SEL1L2: variants seen among roughly 807,000 people sequenced by gnomAD.
SEL1L2 encodes protein sel-1 homolog 2.
Under a neutral mutation model 98.8 loss-of-function variants are expected in SEL1L2, and 89 were observed. That is an observed-to-expected ratio of 0.90 (90% confidence interval 0.76 to 1.07). The LOEUF (loss-of-function observed/expected upper bound fraction) is 1.07. Ranked by LOEUF, SEL1L2 falls within the 50% of genes least tolerant of loss-of-function variation. The probability of loss-of-function intolerance (pLI) is 0.00; values close to 1 mark genes in which losing one functional copy is unlikely to be tolerated. For synonymous variants in SEL1L2, 262 were observed against 278.5 expected, an observed-to-expected ratio of 0.94 and a Z score of 0.59; for missense variants, 788 against 812.0, an observed-to-expected ratio of 0.97 and a Z score of 0.36.
chr20:13,970,517 C>G (rs1354696537), intron 1 of SEL1L2, among the ~76,000 whole-genome samples: 2 of 152,162 alleles, frequency 1.3e-5, no homozygotes, highest in African/African-American at 4.8e-5. Flanking sequence ...TACTTCCACA[C>G]TTAGTATACG....
chr20:13,921,815 T>G (rs1375141637), intron 3 of SEL1L2, among the ~76,000 whole-genome samples: 1 of 152,186 alleles, frequency 6.6e-6, no homozygotes, highest in Non-Finnish European at 1.5e-5. Flanking sequence ...AGAAGCAGTA[T>G]GAGCACAGAC....
intron 2 of SEL1L2, among the ~76,000 whole-genome samples, chr20:13,945,023 TG>T (rs2049946852): frequency 6.6e-6 from 1 of 152,180 alleles, no homozygotes; most frequent in African/African-American, 2.4e-5. Flanking sequence ...TTCCCAGCCA[TG>T]TTCAGCCACC....
intron 2 of SEL1L2, among the ~76,000 whole-genome samples, chr20:13,940,505 A>G (rs190881551): frequency 5.3e-5 from 8 of 152,304 alleles, no homozygotes; most frequent in Admixed American, 1.3e-4. Context: ...TCATACAGGG[A>G]CATGGTAAGG....
rs386365633 is a variant in SEL1L2, at chr20:13,939,040, G to GTTTTTTTTTTTTTTTTT, written c.115-7286_115-7270dup. On this transcript the variant is annotated intron_variant, in intron 2 of 19. Coordinates refer to ENST00000284951, the MANE Select transcript of SEL1L2 (RefSeq NM_025229.2). ...TCTTTTTGGTTTGTTTGCTTGTTTT[G>GTTTTTTTTTTTTTTTTT]TTTTTTTTTTTTTTTTTTTCTGAGA... Among the ~76,000 whole-genome samples, 23 of 114,080 alleles carry GTTTTTTTTTTTTTTTTT rather than the reference G, an allele frequency of 2.0e-4. 2 individuals are homozygous for GTTTTTTTTTTTTTTTTT. The highest frequency in any genetic ancestry group is 7.6e-4 in the African/African-American group (22 of 28,888). The allele number at this position is 114,080 out of a possible 152,430, so 74.8% of individuals were successfully genotyped here.
chr20:13,865,440 A>G lies in SEL1L2; in HGVS notation c.1479T>C (p.Gly493=), dbSNP rs1206711255. The G allele has an allele frequency of 1.9e-6, 3 of 1,613,986 alleles. No homozygotes were observed. The highest frequency in any genetic ancestry group is 1.7e-6 in the Non-Finnish European group (2 of 1,179,964). ...FLTAYFAYKD[G]DIDSSLVQYA... ...ACTGAACAAGAGAAGAATCTATATCACCATCCTTATAGGCAAAGTAAGCTG... is the reference window on the plus strand; with the variant it reads ...ACTGAACAAGAGAAGAATCTATATCGCCATCCTTATAGGCAAAGTAAGCTG... The change falls in exon 16 of 20, where the codon GGT becomes GGC. Residue 493 remains glycine (G), a synonymous_variant. Transcript: ENST00000284951.
chr20:13,939,040 G>T (rs6042437), intron 2 of SEL1L2, among the ~76,000 whole-genome samples: 14,533 of 108,894 alleles, frequency 0.13, 1,396 homozygotes, highest in East Asian at 0.18. Flanking sequence ...TGCTTGTTTT[G>T]TTTTTTTTTT....
At chr20:13,901,901 A>G (rs2047700259) in intron 5 of SEL1L2, among the ~76,000 whole-genome samples, 1 of 151,696 alleles carries the variant, frequency 6.6e-6, no homozygotes. Context: ...GACCTCAAGC[A>G]ATCCACCCGC....
Sources: allele counts gnomAD v4.1 joint callset (sites outside exome capture counted in the v4.1 genomes callset), GRCh38; gene constraint gnomAD v4.1.1; transcripts MANE v1.5; gene names NCBI Gene and HGNC (gene_info 2026-07-23, HGNC 2026-07-21).